The following ZNF350 variants were observed in gnomAD, a reference collection of about 807,000 sequenced individuals.
ZNF350 encodes zinc finger protein 350, also known as KRAB zinc finger protein ZFQR.
ZNF350 carries 5 observed loss-of-function variants against 13.1 expected under a neutral mutation model. The ratio of observed to expected loss-of-function variants is 0.38; its 90% CI spans 0.20 to 0.80. ZNF350 has a LOEUF of 0.80. Ranked by LOEUF, ZNF350 falls within the 30% of genes least tolerant of loss-of-function variation. The pLI is 0.43. For missense variants in ZNF350, 534 were observed against 644.2 expected, an observed-to-expected ratio of 0.83 and a Z score of 1.85; for synonymous variants, 199 against 224.2, an observed-to-expected ratio of 0.89 and a Z score of 1.00.
intron 2 of ZNF350, among the ~76,000 whole-genome samples, chr19:51,972,658 T>C (rs1397884477): frequency 6.6e-6 from 1 of 152,024 alleles, no homozygotes; most frequent in Admixed American, 6.5e-5. Context: ...TCATAATGAA[T>C]ATATATATCT....
intron 2 of ZNF350, among the ~76,000 whole-genome samples, chr19:51,971,848 C>T (rs2085747360): frequency 6.6e-6 from 1 of 152,014 alleles, no homozygotes; most frequent in Non-Finnish European, 1.5e-5. Flanking sequence ...TTACAAGTGG[C>T]GCCCAAACAG....
intron 1 of ZNF350, among the ~76,000 whole-genome samples, chr19:51,986,014 T>C (rs556520519): frequency 1.3e-5 from 2 of 151,160 alleles, no homozygotes; most frequent in African/African-American, 4.9e-5. Context: ...TCTCAAAAAA[T>C]AAAAAAAATA....
intron 1 of ZNF350, among the ~76,000 whole-genome samples, chr19:51,978,600 C>T (rs2085955604): frequency 6.6e-6 from 1 of 152,122 alleles, no homozygotes; most frequent in East Asian, 1.9e-4. Flanking sequence ...AACCCATAGC[C>T]TCTAATAGAC....
intron 1 of ZNF350, among the ~76,000 whole-genome samples, chr19:51,982,680 C>CT (rs1304643057): frequency 1.3e-5 from 2 of 151,764 alleles, no homozygotes; most frequent in African/African-American, 4.8e-5. Context: ...TAGCTATAAA[C>CT]TTTTTTTTAA....
Position 51,986,830 on chromosome 19 carries a change from A to C in ZNF350, c.-232T>G, listed in dbSNP as rs2086167821. ...CGTTACACTTCCGTAAACTGCTCCTACTTCTGGAGTCCTCGCACGGGTTTA... is the reference window on the plus strand; with the variant it reads ...CGTTACACTTCCGTAAACTGCTCCTCCTTCTGGAGTCCTCGCACGGGTTTA... On this transcript the variant is annotated 5_prime_UTR_variant, in exon 1 of 5. Coordinates refer to ENST00000243644, the MANE Select transcript of ZNF350 (RefSeq NM_021632.4). The C allele has an allele frequency of 6.6e-6, 1 of 152,162 alleles. No individual in the cohort carries two copies. The highest frequency in any genetic ancestry group is 2.1e-4 in the South Asian group (1 of 4,826). The allele number at this position is 152,162 out of a possible 1,614,324, so 9.4% of individuals were successfully genotyped here. A position where few individuals can be genotyped will look rare whatever the true frequency, so the allele number is the denominator to read the frequency against.
At position 51,976,135 on chromosome 19, in the gene ZNF350, GCAA is replaced by G. The variant is rs2085890155; in HGVS notation, c.-171-1607_-171-1605del. 6.7e-6 allele frequency among the ~76,000 whole-genome samples: 1 copy of G among 148,660 alleles called. No homozygotes were observed. The highest frequency in any genetic ancestry group is 2.2e-4 in the South Asian group (1 of 4,578). ...TGCGACATCTAGAGAATGCAGTCTT[GCAA>G]GACTACTCTGGACCCCTGGCGCCGT... On this transcript the variant is annotated intron_variant, in intron 1 of 4. Coordinates refer to ENST00000243644, the MANE Select transcript of ZNF350 (RefSeq NM_021632.4). The surrounding 1 kb of genome is among the most constrained non-coding windows in gnomAD (Gnocchi z 4.5).
chr19:51,974,954 G>A (rs1444432470), intron 1 of ZNF350: 3 of 152,234 alleles, frequency 2.0e-5, no homozygotes, highest in East Asian at 3.8e-4. Context: ...CAGTTTGAAA[G>A]CCAATGTACT....
intron 1 of ZNF350, among the ~76,000 whole-genome samples, chr19:51,984,997 T>C (rs961291739): frequency 6.6e-6 from 1 of 152,194 alleles, no homozygotes; most frequent in Non-Finnish European, 1.5e-5. Context: ...AAATAATGAT[T>C]AATTATATAA....
intron 1 of ZNF350, among the ~76,000 whole-genome samples, chr19:51,982,696 GA>G (rs1303824364): frequency 1.3e-5 from 2 of 151,228 alleles, no homozygotes; most frequent in Non-Finnish European, 3.0e-5. Context: ...TTTAAAGTTT[GA>G]AAAAAAAGTT....
chr19:51,971,125 G>C (rs1380367826), intron 2 of ZNF350, among the ~76,000 whole-genome samples: 3 of 152,122 alleles, frequency 2.0e-5, no homozygotes, highest in Non-Finnish European at 2.9e-5. Flanking sequence ...GGATACTGCT[G>C]GTGGGAAATT....
At position 51,966,072 on chromosome 19, in the gene ZNF350, A is replaced by G. The variant is rs914147324; in HGVS notation, c.381T>C (p.Asp127=). Reference sequence around the variant, plus strand: ...AACTTTTTCCACGTAAGTCAAATATATCATGATTTTGCCCTAACAGAAACT... The same window carrying G: ...AACTTTTTCCACGTAAGTCAAATATGTCATGATTTTGCCCTAACAGAAACT... ...KSQFLLGQNH[D]IFDLRGKSLK... is the part of the protein sequence containing the mutation. The change falls in exon 5 of 5, where the codon GAT becomes GAC. Residue 127 remains aspartate, a synonymous_variant. Transcript: ENST00000243644. 4 of 1,613,994 alleles carry G rather than the reference A, an allele frequency of 2.5e-6. No homozygotes were observed. Among genetic ancestry groups the G allele is most frequent in the South Asian group, 1.1e-5 (1 of 91,050 alleles).
intron 2 of ZNF350, 120 bp downstream of exon 2, chr19:51,974,226 C>G (rs1439527539): frequency 1.5e-5 from 16 of 1,102,394 alleles, no homozygotes; most frequent in Non-Finnish European, 1.7e-5. Context: ...AAGCTTACTT[C>G]TCTCCAGATC....
In ZNF350 at chr19:51,976,226, C is replaced by G. The variant is rs1599947451; in HGVS notation, c.-171-1695G>C. ...ACTACTCTGGACCGAGCAGCTGACC[C>G]CTTCTTCCACCTCCCCTTCTCACTG... On this transcript the variant is annotated intron_variant, in intron 1 of 4. Coordinates refer to ENST00000243644, the MANE Select transcript of ZNF350 (RefSeq NM_021632.4). This position sits in a 1 kb window ranked among gnomAD's most constrained non-coding sequence, Gnocchi z 4.5. Among the ~76,000 whole-genome samples the G allele has an allele frequency of 6.6e-6, 1 of 152,178 alleles. No homozygotes were observed.
chr19:51,977,434 G>C (rs1349349150), intron 1 of ZNF350, among the ~76,000 whole-genome samples: 1 of 152,174 alleles, frequency 6.6e-6, no homozygotes, highest in South Asian at 2.1e-4. Flanking sequence ...TGCAGACCAG[G>C]CTAAACAGAA....
In ZNF350 at chr19:51,976,214, G is replaced by A. The variant is rs911715872; in HGVS notation, c.-171-1683C>T. On this transcript the variant is annotated intron_variant, in intron 1 of 4. Transcript: ENST00000243644. This position sits in a 1 kb window ranked among gnomAD's most constrained non-coding sequence, Gnocchi z 4.5. ...CAGTCTTGCAAGACTACTCTGGACC[G>A]AGCAGCTGACCCCTTCTTCCACCTC... Among the ~76,000 whole-genome samples, 1 of 152,080 alleles carries A rather than the reference G, an allele frequency of 6.6e-6. No individual in the cohort carries two copies. Among genetic ancestry groups the A allele is most frequent in the Non-Finnish European group, 1.5e-5 (1 of 68,028 alleles).
chr19:51,969,356 A>G (rs2085669341), intron 2 of ZNF350, among the ~76,000 whole-genome samples: 1 of 152,098 alleles, frequency 6.6e-6, no homozygotes, highest in Non-Finnish European at 1.5e-5. Flanking sequence ...TGTAGAAGTT[A>G]AATCTTGCTA....
chr19:51,986,263 G>C lies in ZNF350; in HGVS notation c.-172+507C>G, dbSNP rs139457376. Among the ~76,000 whole-genome samples, 563 of 152,132 alleles carry C rather than the reference G, an allele frequency of 3.7e-3. 3 individuals carry two copies. The highest frequency in any genetic ancestry group is 0.013 in the African/African-American group (543 of 41,490). ...GTCGCCTTTTGCCCCAGTAACCGAGGTTCGAACCTCAACCCAGGACCCAGG... is the reference window on the plus strand; with the variant it reads ...GTCGCCTTTTGCCCCAGTAACCGAGCTTCGAACCTCAACCCAGGACCCAGG... On this transcript the variant is annotated intron_variant, in intron 1 of 4. Coordinates refer to ENST00000243644, the MANE Select transcript of ZNF350 (RefSeq NM_021632.4).
intron 2 of ZNF350, among the ~76,000 whole-genome samples, chr19:51,970,059 ATTTTTTTT>A (rs60960172): frequency 1.7e-5 from 2 of 114,508 alleles, no homozygotes; most frequent in African/African-American, 7.3e-5. Flanking sequence ...CGCCTGGCTA[ATTTTTTTT>A]TTTTTTTTTT....
chr19:51,984,941 G>A (rs971943330), intron 1 of ZNF350, among the ~76,000 whole-genome samples: 1 of 152,090 alleles, frequency 6.6e-6, no homozygotes, highest in South Asian at 2.1e-4. Context: ...CAATTCCACT[G>A]ATATACAGAG....
Sources: allele counts gnomAD v4.1 joint callset (sites outside exome capture counted in the v4.1 genomes callset), GRCh38; gene constraint gnomAD v4.1.1; non-coding constraint Gnocchi (gnomAD v3.1); transcripts MANE v1.5; gene names NCBI Gene and HGNC (gene_info 2026-07-23, HGNC 2026-07-21).